ZPLD1: variants seen among roughly 807,000 people sequenced by gnomAD.
ZPLD1 encodes zona pellucida-like domain-containing protein 1.
ZPLD1 carries 34 observed loss-of-function variants against 47.2 expected under a neutral mutation model. The observed-to-expected ratio is 0.72, with a 90% confidence interval of 0.55 to 0.96. The LOEUF (loss-of-function observed/expected upper bound fraction) is 0.96, where lower values mean the gene tolerates loss of function less well. ZPLD1 is among the 40% of genes least tolerant of loss of function. The pLI is 0.00. For synonymous variants in ZPLD1, 176 were observed against 186.2 expected, an observed-to-expected ratio of 0.95 and a Z score of 0.45; for missense variants, 512 against 505.8, an observed-to-expected ratio of 1.01 and a Z score of -0.12.
intron 7 of ZPLD1, among the ~76,000 whole-genome samples, chr3:102,407,392 A>AATATATAT (rs63183460): frequency 0.011 from 423 of 37,798 alleles, 22 homozygotes; most frequent in Middle Eastern, 0.023. Flanking sequence ...TTGATTTTCA[A>AATATATAT]ATATATATAT....
chr3:102,475,679 T>A (rs1357762204), intron 10 of ZPLD1, among the ~76,000 whole-genome samples: 1 of 152,120 alleles, frequency 6.6e-6, no homozygotes, highest in African/African-American at 2.4e-5. Flanking sequence ...TGTTGTATAA[T>A]AAAAATGTGT....
intron 6 of ZPLD1, among the ~76,000 whole-genome samples, chr3:102,459,460 G>A (rs1247227834): frequency 6.6e-6 from 1 of 152,154 alleles, no homozygotes; most frequent in Non-Finnish European, 1.5e-5. Flanking sequence ...ATTTTGAAGT[G>A]TGGATTTCAG....
intron 7 of ZPLD1, among the ~76,000 whole-genome samples, chr3:102,417,168 A>G (rs1706818834): frequency 6.6e-6 from 1 of 151,952 alleles, no homozygotes; most frequent in South Asian, 2.1e-4. Context: ...GGTGTAGGCC[A>G]GTGGAATTAC....
At chr3:102,452,440 G>GCAA (rs763313673) in intron 3 of ZPLD1, among the ~76,000 whole-genome samples, 3 of 151,978 alleles carry the variant, frequency 2.0e-5, no homozygotes, top group Non-Finnish European at 4.4e-5. Flanking sequence ...CCATAAGATG[G>GCAA]GTTACCAAAT....
intron 6 of ZPLD1, 31 bp downstream of exon 6, chr3:102,457,884 T>A: frequency 6.2e-7 from 1 of 1,608,352 alleles, no homozygotes; most frequent in Non-Finnish European, 8.5e-7. Flanking sequence ...TGTTATTTTC[T>A]CTTTCACTGT....
chr3:102,419,489 A>G (rs1706850684), intron 8 of ZPLD1, among the ~76,000 whole-genome samples: 2 of 152,000 alleles, frequency 1.3e-5, no homozygotes, highest in Admixed American at 1.3e-4. Flanking sequence ...TAGACATTAC[A>G]ACAAATTCTA....
intron 8 of ZPLD1, among the ~76,000 whole-genome samples, chr3:102,424,028 A>C (rs1332425552): frequency 6.6e-6 from 1 of 152,164 alleles, no homozygotes; most frequent in Non-Finnish European, 1.5e-5. Flanking sequence ...GTAAAAAGGA[A>C]CCAAAGATGT....
intron 7 of ZPLD1, among the ~76,000 whole-genome samples, chr3:102,406,445 T>C (rs1385719654): frequency 1.3e-5 from 2 of 151,984 alleles, no homozygotes; most frequent in Non-Finnish European, 2.9e-5. Context: ...AGATATGTAA[T>C]TGATCTTCTA....
In ZPLD1 at chr3:102,438,520, A is replaced by G; in HGVS notation, c.33A>G (p.Thr11=). The G allele has an allele frequency of 6.2e-7, 1 of 1,613,936 alleles. No homozygotes were observed. The highest frequency in any genetic ancestry group is 8.5e-7 in the Non-Finnish European group (1 of 1,179,860). The stretch of plus-strand genomic sequence containing the variant: ...AAATATGGTTGCTGCTGCTTCTAAC[A>G]ATTAGAGTGCTTCCGGGGTCTGCTC... The part of the protein sequence containing the change: MEQIWLLLLL[T]IRVLPGSAQF... Residue 11 remains threonine (T), a synonymous_variant, in exon 3 of 12, where the codon ACA becomes ACG. Transcript: ENST00000466937.
chr3:102,385,831 G>A (rs1345073678), intron 6 of ZPLD1, among the ~76,000 whole-genome samples: 3 of 152,184 alleles, frequency 2.0e-5, no homozygotes, highest in Non-Finnish European at 4.4e-5. Context: ...GCATGATTTA[G>A]TTTTAGTAGT....
intron 3 of ZPLD1, among the ~76,000 whole-genome samples, chr3:102,450,725 A>T (rs1406977520): frequency 6.6e-6 from 1 of 152,184 alleles, no homozygotes; most frequent in Non-Finnish European, 1.5e-5. Flanking sequence ...AGGTTCCTGG[A>T]CTAGTACAAT....
In ZPLD1 at chr3:102,473,897, A is replaced by G. The variant is rs535845835; in HGVS notation, c.1043-3115A>G. Among the ~76,000 whole-genome samples, 13 of 152,270 alleles carry G rather than the reference A, an allele frequency of 8.5e-5. No individual in the cohort carries two copies. The South Asian group carries it at 2.3e-3, about 27-fold the overall frequency. ...CTCTTCAGGTCCTGTGGCCAATTTT[A>G]TATAGATAAATCCAATTTCAGGCTT... On this transcript the variant is annotated intron_variant, in intron 10 of 11. Coordinates refer to ENST00000466937, the MANE Select transcript of ZPLD1 (RefSeq NM_001329788.2).
At chr3:102,399,257 T>C (rs571523350) in intron 7 of ZPLD1, among the ~76,000 whole-genome samples, 1 of 152,238 alleles carries the variant, frequency 6.6e-6, no homozygotes, top group Non-Finnish European at 1.5e-5. Context: ...TAAAATACTG[T>C]GCTGGCTCCA....
intron 7 of ZPLD1, among the ~76,000 whole-genome samples, chr3:102,403,342 C>T (rs568171171): frequency 2.6e-4 from 40 of 151,990 alleles, no homozygotes; most frequent in East Asian, 2.5e-3. Context: ...GCTTTTGTTT[C>T]CAAGTTACTA....
chr3:102,465,308 A>G (rs1707573775), intron 8 of ZPLD1, among the ~76,000 whole-genome samples: 1 of 152,224 alleles, frequency 6.6e-6, no homozygotes, highest in South Asian at 2.1e-4. Context: ...TTGAGAGTCC[A>G]TACAGGCACT....
intron 7 of ZPLD1, among the ~76,000 whole-genome samples, chr3:102,402,188 T>C (rs1341996983): frequency 6.6e-6 from 1 of 152,072 alleles, no homozygotes; most frequent in Non-Finnish European, 1.5e-5. Flanking sequence ...TTTGAAATGC[T>C]CTTTTTTAGT....
chr3:102,417,799 C>T (rs1375082889), intron 7 of ZPLD1, among the ~76,000 whole-genome samples: 2 of 151,836 alleles, frequency 1.3e-5, no homozygotes, highest in East Asian at 3.9e-4. Flanking sequence ...GCAGGCTTTC[C>T]CTCATCAGGC....
At chr3:102,405,627 A>C (rs1398787268) in intron 7 of ZPLD1, among the ~76,000 whole-genome samples, 1 of 152,030 alleles carries the variant, frequency 6.6e-6, no homozygotes, top group Non-Finnish European at 1.5e-5. Context: ...CTGCTTACTC[A>C]TTGTGGTGCC....
At chr3:102,464,667 C>T (rs559354144) in intron 8 of ZPLD1, among the ~76,000 whole-genome samples, 2 of 152,240 alleles carry the variant, frequency 1.3e-5, no homozygotes, top group Non-Finnish European at 2.9e-5. Context: ...ATAATTTAGA[C>T]CCCAAAATAC....
Sources: allele counts gnomAD v4.1 joint callset (sites outside exome capture counted in the v4.1 genomes callset), GRCh38; gene constraint gnomAD v4.1.1; transcripts MANE v1.5; gene names NCBI Gene and HGNC (gene_info 2026-07-23, HGNC 2026-07-21).